The following NPHP1 variants were observed in gnomAD, a reference collection of about 807,000 sequenced individuals.
The protein encoded by NPHP1 is nephrocystin 1, also known as nephrocystin-1.
A neutral mutation model predicts 90.4 loss-of-function variants in NPHP1; 70 were observed. That is an observed-to-expected ratio of 0.77 (90% confidence interval 0.64 to 0.95). The LOEUF is 0.95. Among genes scored for constraint, NPHP1 ranks in the 40% least tolerant of loss-of-function variants. NPHP1 has a pLI of 0.00. For missense variants in NPHP1, 764 were observed against 795.9 expected (o/e 0.96, Z 0.48); for synonymous variants, 256 against 271.7 (o/e 0.94, Z 0.57).
chr2:110,155,698 G>C (rs1169717885), intron 11 of NPHP1, among the ~76,000 whole-genome samples: 1 of 152,118 alleles, frequency 6.6e-6, no homozygotes, highest in African/African-American at 2.4e-5. Context: ...TAGCCTCTTT[G>C]TTTTGGCCAG....
intron 4 of NPHP1, among the ~76,000 whole-genome samples, chr2:110,170,626 C>A (rs924864650): frequency 2.0e-5 from 3 of 152,092 alleles, no homozygotes; most frequent in African/African-American, 7.2e-5. Flanking sequence ...CCTCAAGGAG[C>A]TTGCAGTGAG....
At chr2:110,164,145 T>A (rs1682543035) in intron 8 of NPHP1, 2 of 292,370 alleles carry the variant, frequency 6.8e-6, no homozygotes, top group Non-Finnish European at 6.5e-6. Flanking sequence ...CATGCAATCC[T>A]CCCACCTCAG....
chr2:110,203,439 A>G (rs1216768974), intron 1 of NPHP1, among the ~76,000 whole-genome samples: 2 of 152,170 alleles, frequency 1.3e-5, no homozygotes, highest in Non-Finnish European at 2.9e-5. Flanking sequence ...AATAAGACAC[A>G]GAACCATATT....
At chr2:110,136,834 A>G (rs2104455277) in intron 16 of NPHP1, among the ~76,000 whole-genome samples, 1 of 152,266 alleles carries the variant, frequency 6.6e-6, no homozygotes, top group East Asian at 1.9e-4. Context: ...TTTAAAGTTC[A>G]CATGGAACCA....
At chr2:110,134,046 C>T (rs1288203015) in intron 16 of NPHP1, among the ~76,000 whole-genome samples, 1 of 151,666 alleles carries the variant, frequency 6.6e-6, no homozygotes, top group African/African-American at 2.4e-5. Flanking sequence ...AATAGAAAAA[C>T]AATAGAGAAA....
At chr2:110,164,091 C>A in intron 8 of NPHP1, 2 of 197,994 alleles carry the variant, frequency 1.0e-5, no homozygotes, top group Non-Finnish European at 2.1e-5. Flanking sequence ...CTCTGGAGTG[C>A]AGTGGCACAA....
chr2:110,140,214 T>C (rs370024434), intron 16 of NPHP1, among the ~76,000 whole-genome samples: 10 of 152,012 alleles, frequency 6.6e-5, no homozygotes, highest in African/African-American at 2.4e-4. Context: ...CACTCAAGTC[T>C]CTCTGTGGAA....
intron 1 of NPHP1, among the ~76,000 whole-genome samples, chr2:110,202,772 A>G (rs1021471820): frequency 3.3e-5 from 5 of 152,156 alleles, no homozygotes; most frequent in African/African-American, 1.2e-4. Context: ...TCAAGAAATG[A>G]CAGATTCTGG....
rs573754267 is a variant in NPHP1, at chr2:110,124,188, G to A, written c.1762-125C>T. 214 of 1,048,332 alleles carry A rather than the reference G, an allele frequency of 2.0e-4. 1 individual carries two copies. The South Asian group carries it at 2.5e-3, about 12-fold the overall frequency. 64.9% of individuals were successfully genotyped at this position (1,048,332 alleles called of 1,614,324 possible). A position where few individuals can be genotyped will look rare whatever the true frequency, so the allele number is the denominator to read the frequency against. ...GTGCCATTAGTGCCTGGCAGGTATC[G>A]GCTCTGAGCCAGCTGCTCAGGCAGG... On this transcript the variant is annotated intron_variant, in intron 19 of 19. Coordinates refer to ENST00000445609, the MANE Select transcript of NPHP1 (RefSeq NM_001128178.3).
At chr2:110,164,824 A>G (rs1211210376) in intron 7 of NPHP1, 94 bp from the exon 8 acceptor site, 2 of 1,167,050 alleles carry the variant, frequency 1.7e-6, no homozygotes, top group African/African-American at 3.0e-5. Context: ...ATCATCAGTA[A>G]GTTTTGAAAA....
chr2:110,195,999 T>C (rs1421144247), intron 2 of NPHP1, among the ~76,000 whole-genome samples: 1 of 152,036 alleles, frequency 6.6e-6, no homozygotes, highest in African/African-American at 2.4e-5. Flanking sequence ...ATACAAAAAT[T>C]AATTCAAGAT....
At chr2:110,200,072 G>A (rs911498114) in intron 2 of NPHP1, among the ~76,000 whole-genome samples, 5 of 151,082 alleles carry the variant, frequency 3.3e-5, no homozygotes, top group Admixed American at 6.6e-5. Flanking sequence ...TGGCTAGCAC[G>A]GTGAAACCCC....
intron 9 of NPHP1, among the ~76,000 whole-genome samples, chr2:110,162,110 T>C (rs1682388968): frequency 1.3e-5 from 2 of 152,174 alleles, no homozygotes; most frequent in Non-Finnish European, 2.9e-5. Flanking sequence ...ATACTTTTAA[T>C]AACATCATTT....
rs140979636 is a variant in NPHP1 at position 110,148,019 on chromosome 2, C to A, written c.1166G>T (p.Arg389Leu). 3.8e-6 allele frequency: 6 copies of A among 1,584,970 alleles called. No individual in the cohort carries two copies. The highest frequency in any genetic ancestry group is 4.3e-6 in the Non-Finnish European group (5 of 1,153,730). The change falls in exon 13 of 20, where the codon CGC becomes CTC. Residue 389 changes from arginine (R) to leucine (L), a missense_variant. Physicochemically the swap from Arg to Leu is moderately radical, Grantham distance 102 (BLOSUM62 -2). Transcript: ENST00000445609. ...ACCATCAAGCAAACATGGTAAGATGCGAGTAACCTGAAATGATAAAGAAAT... is the reference window on the plus strand; with the variant it reads ...ACCATCAAGCAAACATGGTAAGATGAGAGTAACCTGAAATGATAAAGAAAT... ...KTWTFSPQVTRILPCLLDGDC... is the reference protein window; with the variant it reads ...KTWTFSPQVTLILPCLLDGDC...
intron 6 of NPHP1, 27 bp from the exon 7 acceptor site, chr2:110,165,182 CT>C (rs1559076943): frequency 6.4e-7 from 1 of 1,553,360 alleles, no homozygotes; most frequent in East Asian, 2.2e-5. Context: ...ATGTGAAGTG[CT>C]TTTTAACTAA....
intron 2 of NPHP1, among the ~76,000 whole-genome samples, chr2:110,191,159 C>T (rs1374065178): frequency 1.3e-5 from 2 of 152,110 alleles, no homozygotes; most frequent in South Asian, 2.1e-4. Context: ...GACTATCAGA[C>T]AGTGGGTGCA....
At chr2:110,178,688 T>C (rs1683679926) in intron 3 of NPHP1, 141 bp from the exon 4 acceptor site, 1 of 703,386 alleles carries the variant, frequency 1.4e-6, no homozygotes, top group Non-Finnish European at 2.3e-6. Flanking sequence ...GGAAATAAAT[T>C]AGATTTAAAA....
At chr2:110,175,442 A>G (rs902444141) in intron 4 of NPHP1, among the ~76,000 whole-genome samples, 16 of 151,976 alleles carry the variant, frequency 1.1e-4, no homozygotes, top group African/African-American at 3.1e-4. Context: ...AAATGTCTTT[A>G]TTTCACTTTA....
chr2:110,135,222 A>T (rs1680080940), intron 16 of NPHP1, among the ~76,000 whole-genome samples: 1 of 152,060 alleles, frequency 6.6e-6, no homozygotes, highest in Admixed American at 6.5e-5. Context: ...AAATATAAAA[A>T]ATTTCAATAT....
Sources: allele counts gnomAD v4.1 joint callset (sites outside exome capture counted in the v4.1 genomes callset), GRCh38; gene constraint gnomAD v4.1.1; transcripts MANE v1.5; gene names NCBI Gene and HGNC (gene_info 2026-07-23, HGNC 2026-07-21).